The following DNAH3 variants were observed in gnomAD, a reference collection of about 807,000 sequenced individuals.
DNAH3 encodes dynein axonemal heavy chain 3.
In DNAH3, 332 loss-of-function variants were observed where a neutral mutation model predicts 432.5. The ratio of observed to expected loss-of-function variants is 0.77; its 90% CI spans 0.70 to 0.84. DNAH3 has a LOEUF of 0.84. Ranked by LOEUF, DNAH3 falls within the 40% of genes least tolerant of loss-of-function variation. DNAH3 has a pLI of 0.00. For missense variants in DNAH3, 4,861 were observed against 5,114.0 expected (o/e 0.95, Z 1.51); for synonymous variants, 1,956 against 1,900.2 (o/e 1.03, Z -0.76).
intron 19 of DNAH3, among the ~76,000 whole-genome samples, chr16:21,082,895 G>A (rs1194933071): frequency 6.6e-6 from 1 of 150,746 alleles, no homozygotes; most frequent in Non-Finnish European, 1.5e-5. Context: ...GGCCAGTTTT[G>A]GCATCTATCA....
exon 56 of DNAH3, chr16:20,952,540 A>G (rs758177094): frequency 7.5e-6 from 12 of 1,605,732 alleles, no homozygotes; most frequent in Middle Eastern, 1.7e-4. Flanking sequence ...TTCATAGGGA[A>G]TATTCCACCC....
At chr16:21,157,281 C>T (rs190042318) in intron 1 of DNAH3, among the ~76,000 whole-genome samples, 19 of 151,740 alleles carry the variant, frequency 1.3e-4, no homozygotes, top group Admixed American at 9.9e-4. Flanking sequence ...GCTAAGTTCT[C>T]GACAGCCACA....
intron 24 of DNAH3, among the ~76,000 whole-genome samples, chr16:21,063,406 A>G (rs2090432955): frequency 6.6e-6 from 1 of 152,136 alleles, no homozygotes; most frequent in South Asian, 2.1e-4. Flanking sequence ...GGCATGATAC[A>G]AGAAAGTAAA....
intron 12 of DNAH3, among the ~76,000 whole-genome samples, chr16:21,114,816 T>C (rs2152806588): frequency 6.6e-6 from 1 of 152,308 alleles, no homozygotes; most frequent in Admixed American, 6.5e-5. Flanking sequence ...GTTCAACCAT[T>C]GTGGAAGACA....
chr16:21,062,496 G>A, exon 25 of DNAH3: 11 of 1,614,122 alleles, frequency 6.8e-6, no homozygotes, highest in Non-Finnish European at 9.3e-6. Flanking sequence ...GCATTAGCTG[G>A]GTAGATTTTC....
intron 44 of DNAH3, among the ~76,000 whole-genome samples, chr16:20,994,316 C>T (rs958276515): frequency 1.3e-5 from 2 of 152,014 alleles, no homozygotes; most frequent in South Asian, 2.1e-4. Flanking sequence ...CCTGTAATCC[C>T]GGCTACTTAG....
chr16:21,034,301 CT>C (rs2152726652), intron 35 of DNAH3, among the ~76,000 whole-genome samples: 1 of 152,278 alleles, frequency 6.6e-6, no homozygotes, highest in South Asian at 2.1e-4. Flanking sequence ...GGGATGGGAA[CT>C]ACCATTTGCT....
chr16:21,085,284 C>A (rs2091327393), intron 19 of DNAH3, among the ~76,000 whole-genome samples: 1 of 151,902 alleles, frequency 6.6e-6, no homozygotes, highest in Admixed American at 6.6e-5. Flanking sequence ...TGGCTCATGC[C>A]TATAATCCCA....
At chr16:21,051,909 CA>C in intron 28 of DNAH3, 41 bp from the exon 29 acceptor site, 1 of 1,551,182 alleles carries the variant, frequency 6.4e-7, no homozygotes, top group Non-Finnish European at 8.9e-7. Context: ...ACAGAGCCAT[CA>C]GAACTCTCCA....
intron 50 of DNAH3, among the ~76,000 whole-genome samples, chr16:20,976,239 C>T (rs575086057): frequency 6.6e-6 from 1 of 151,866 alleles, no homozygotes; most frequent in Admixed American, 6.6e-5. Flanking sequence ...ACTCTATCAC[C>T]CAGGCTGTAG....
intron 59 of DNAH3, among the ~76,000 whole-genome samples, chr16:20,939,136 C>T (rs1035287620): frequency 1.3e-5 from 2 of 151,988 alleles, no homozygotes; most frequent in Non-Finnish European, 2.9e-5. Context: ...AGAAAGAGCT[C>T]CAGTGGCCTT....
chr16:21,131,247 G>T (rs11860719), intron 7 of DNAH3, among the ~76,000 whole-genome samples: 197 of 152,136 alleles, frequency 1.3e-3, no homozygotes, highest in African/African-American at 4.3e-3. Flanking sequence ...TGAGGAGAGA[G>T]CCCAGGAGTT....
intron 38 of DNAH3, 99 bp downstream of exon 38, chr16:21,026,928 G>A (rs1366481616): frequency 8.9e-6 from 7 of 788,440 alleles, no homozygotes; most frequent in Middle Eastern, 3.4e-4. Flanking sequence ...GATGATCTGC[G>A]AGGGCTTCAT....
chr16:21,109,883 C>A (rs886173388), intron 14 of DNAH3, among the ~76,000 whole-genome samples: 1 of 151,976 alleles, frequency 6.6e-6, no homozygotes, highest in Admixed American at 6.6e-5. Context: ...GGACCACAGG[C>A]ACATGCCACT....
intron 19 of DNAH3, among the ~76,000 whole-genome samples, chr16:21,085,650 C>T (rs1360387439): frequency 6.6e-6 from 1 of 151,462 alleles, no homozygotes; most frequent in Non-Finnish European, 1.5e-5. Context: ...CTGAAAGTAG[C>T]TTCTCCCTAC....
At position 21,036,789 on chromosome 16, in the gene DNAH3, A is replaced by G. The variant is rs200880228; in HGVS notation, c.5010T>C (p.Phe1670=). 1.4e-4 allele frequency: 230 copies of G among 1,613,276 alleles called. 2 individuals are homozygous for G. In the East Asian group the frequency reaches 4.6e-3, roughly 32 times the overall value. Reference sequence around the variant, plus strand: ...TGATGTTATCATTCAGCACTTTCAGAAAAACTTCATAGTCTGGCTTTGGAA... The same window carrying G: ...TGATGTTATCATTCAGCACTTTCAGGAAAACTTCATAGTCTGGCTTTGGAA... The change falls in exon 35 of 62, where the codon TTT becomes TTC. Residue 1670 remains phenylalanine, a synonymous_variant. Transcript: ENST00000261383.
exon 53 of DNAH3, chr16:20,964,128 G>A: frequency 6.2e-7 from 1 of 1,614,188 alleles, no homozygotes; most frequent in Non-Finnish European, 8.5e-7. Flanking sequence ...CCTCCAGGAT[G>A]TTACCCTTGG....
intron 19 of DNAH3, among the ~76,000 whole-genome samples, chr16:21,083,941 A>G (rs747935447): frequency 4.6e-5 from 7 of 151,472 alleles, no homozygotes; most frequent in Non-Finnish European, 2.9e-5. Flanking sequence ...TTAGGGGCTC[A>G]CTCCTTGGGA....
chr16:21,046,938 T>C (rs1268415129), intron 31 of DNAH3, among the ~76,000 whole-genome samples: 1 of 151,546 alleles, frequency 6.6e-6, no homozygotes, highest in African/African-American at 2.4e-5. Flanking sequence ...CTTATGAAGC[T>C]TAGTTTGGCT....
Sources: gnomAD v4.1 joint callset for allele counts (sites outside exome capture counted in the v4.1 genomes callset) on GRCh38, gnomAD v4.1.1 for gene constraint, MANE v1.5 for transcripts, NCBI Gene and HGNC (gene_info 2026-07-23, HGNC 2026-07-21) for gene names.